Variants in TTC3 observed in about 807,000 individuals in gnomAD.
TTC3 encodes the protein tetratricopeptide repeat domain 3.
In TTC3, 180 loss-of-function variants were observed where a neutral mutation model predicts 249.6. The ratio of observed to expected loss-of-function variants is 0.72; its 90% CI spans 0.64 to 0.82. The LOEUF (loss-of-function observed/expected upper bound fraction) is 0.82. Ranked by LOEUF, TTC3 falls within the 40% of genes least tolerant of loss-of-function variation. TTC3 has a pLI of 0.00. For synonymous variants in TTC3, 717 were observed against 805.0 expected, an observed-to-expected ratio of 0.89 and a Z score of 1.85; for missense variants, 2,061 against 2,398.4, an observed-to-expected ratio of 0.86 and a Z score of 2.94.
At chr21:37,126,248 C>A in intron 15 of TTC3, 105 bp downstream of exon 15, 1 of 858,546 alleles carries the variant, frequency 1.2e-6, no homozygotes, top group Non-Finnish European at 1.8e-6. Context: ...CTCTTGTTCT[C>A]CTTTACTTTA....
intron 35 of TTC3, 64 bp downstream of exon 35, chr21:37,172,808 T>G: frequency 6.4e-7 from 1 of 1,573,030 alleles, no homozygotes; most frequent in Non-Finnish European, 8.6e-7. Flanking sequence ...TGAGTGTAGC[T>G]GTGCTTGTGC....
At chr21:37,178,969 G>GA (rs1187081328) in intron 35 of TTC3, among the ~76,000 whole-genome samples, 2 of 149,884 alleles carry the variant, frequency 1.3e-5, no homozygotes, top group Non-Finnish European at 3.0e-5. Context: ...GTCTCAAAAG[G>GA]AAAAAAAAGA....
chr21:37,188,758 A>G (rs2083610215), intron 39 of TTC3, 163 bp downstream of exon 39: 2 of 464,642 alleles, frequency 4.3e-6, no homozygotes, highest in Non-Finnish European at 7.6e-6. Flanking sequence ...CAAAAATGAT[A>G]AAAATCATTC....
intron 29 of TTC3, 43 bp from the exon 30 acceptor site, chr21:37,160,759 G>A (rs2080648766): frequency 1.3e-6 from 2 of 1,593,650 alleles, no homozygotes; most frequent in South Asian, 2.2e-5. Context: ...GCTTCATAAT[G>A]CTGTTATTTG....
chr21:37,095,730 T>C (rs1325132274), intron 9 of TTC3, among the ~76,000 whole-genome samples: 1 of 152,248 alleles, frequency 6.6e-6, no homozygotes, highest in Non-Finnish European at 1.5e-5. Context: ...CTCATTTTGC[T>C]ATCAACCAAG....
intron 11 of TTC3, among the ~76,000 whole-genome samples, chr21:37,118,932 T>C (rs1054034245): frequency 1.3e-5 from 2 of 152,200 alleles, no homozygotes; most frequent in African/African-American, 4.8e-5. Flanking sequence ...CTTTAACATA[T>C]TCCATCTTTC....
chr21:37,138,610 T>C, intron 18 of TTC3, 24 bp from the exon 19 acceptor site: 2 of 1,591,298 alleles, frequency 1.3e-6, no homozygotes, highest in Non-Finnish European at 1.7e-6. Flanking sequence ...TTCAGATTTT[T>C]AACTGAGGCA....
Position 37,156,641 on chromosome 21 carries a change from T to C in TTC3, c.2741-14T>C, listed in dbSNP as rs1416821421. ...TTCCCTCCTCTTCTGATTTGGGTTT[T>C]GTTTTTATTACAGGCTTAGATGCCA... is the stretch of plus-strand genomic sequence containing the variant. On this transcript the variant is annotated splice_polypyrimidine_tract_variant and intron_variant, in intron 27 of 45. Coordinates refer to ENST00000355666, the Ensembl canonical transcript of TTC3. The C allele has an allele frequency of 6.3e-7, 1 of 1,590,786 alleles. No homozygotes were observed. The highest frequency in any genetic ancestry group is 8.5e-7 in the Non-Finnish European group (1 of 1,170,334).
At chr21:37,092,293 G>A (rs1199998701) in intron 7 of TTC3, among the ~76,000 whole-genome samples, 2 of 152,192 alleles carry the variant, frequency 1.3e-5, no homozygotes, top group Non-Finnish European at 2.9e-5. Context: ...TGACTTAAGT[G>A]CTAGAAAGGA....
chr21:37,140,389 G>A (rs2147956662), intron 19 of TTC3, among the ~76,000 whole-genome samples, 172 bp from the exon 20 acceptor site: 1 of 152,312 alleles, frequency 6.6e-6, no homozygotes, highest in Non-Finnish European at 1.5e-5. Context: ...CATATGATCA[G>A]AAATTTATAT....
At chr21:37,192,018 A>C (rs564544509) in intron 40 of TTC3, 94 bp from the exon 41 acceptor site, 3 of 773,492 alleles carry the variant, frequency 3.9e-6, no homozygotes, top group Non-Finnish European at 6.2e-6. Context: ...GAATTTCCTT[A>C]CCAAGACAGT....
chr21:37,149,098 A>G (rs1026479257), intron 23 of TTC3, among the ~76,000 whole-genome samples: 3 of 152,196 alleles, frequency 2.0e-5, no homozygotes, highest in African/African-American at 4.8e-5. Context: ...GGGAAGAAAG[A>G]TCAACTTCAA....
intron 15 of TTC3, among the ~76,000 whole-genome samples, chr21:37,128,524 C>G (rs1469526487): frequency 2.0e-5 from 3 of 152,212 alleles, no homozygotes; most frequent in Non-Finnish European, 4.4e-5. Flanking sequence ...TTCCTCAAAA[C>G]CGAACACAAA....
chr21:37,083,961 CAT>C (rs2072051609), intron 1 of TTC3: 1 of 152,144 alleles, frequency 6.6e-6, no homozygotes, highest in African/African-American at 2.4e-5. Flanking sequence ...GTATGAGAAA[CAT>C]AACTTGCACA....
rs369950835 is a variant in TTC3, at chr21:37,077,851, C to T, written c.-12+4487C>T. On this transcript the variant is annotated intron_variant, in intron 1 of 45. Transcript: ENST00000355666. ...TTCTGGTTTGTGGCCTGTCTTTCTA[C>T]TGTTTATGGTGTATTTTGGTGAACA... Among the ~76,000 whole-genome samples, 197 of 152,262 alleles carry T rather than the reference C, an allele frequency of 1.3e-3. 1 individual carries two copies. The highest frequency in any genetic ancestry group is 4.4e-3 in the African/African-American group (184 of 41,554).
At chr21:37,121,946 G>T in exon 12 of TTC3, 1 of 1,611,658 alleles carries the variant, frequency 6.2e-7, no homozygotes, top group South Asian at 1.1e-5. Flanking sequence ...TCAGCAGCAT[G>T]TAAAGTTACA....
rs376918532 is a variant in TTC3 at position 37,196,087 on chromosome 21, G to T, written c.5579+51G>T. On this transcript the variant is annotated intron_variant, in intron 42 of 45. Coordinates refer to ENST00000355666, the Ensembl canonical transcript of TTC3. Reference sequence around the variant, plus strand: ...GTGTTTAATACTTTATCGAACTGAGGTTTCCTGATTAGATAAAATCATGGC... The same window carrying T: ...GTGTTTAATACTTTATCGAACTGAGTTTTCCTGATTAGATAAAATCATGGC... The T allele has an allele frequency of 3.1e-6, 5 of 1,590,142 alleles. No homozygotes were observed. The African/African-American group carries it at 6.7e-5, about 21-fold the overall frequency.
chr21:37,178,407 C>G (rs1264588469), intron 35 of TTC3, among the ~76,000 whole-genome samples: 1 of 152,174 alleles, frequency 6.6e-6, no homozygotes, highest in Non-Finnish European at 1.5e-5. Context: ...TGTTCCAAAA[C>G]CATCCTACCA....
chr21:37,161,506 C>T (rs921318609), intron 30 of TTC3, among the ~76,000 whole-genome samples: 2 of 152,162 alleles, frequency 1.3e-5, no homozygotes, highest in Non-Finnish European at 2.9e-5. Context: ...AGAACTCCTG[C>T]GTTCAAGCGA....
Sources: allele counts gnomAD v4.1 joint callset (sites outside exome capture counted in the v4.1 genomes callset), GRCh38; gene constraint gnomAD v4.1.1; transcripts MANE v1.5; gene names NCBI Gene and HGNC (gene_info 2026-07-23, HGNC 2026-07-21).